TOP1: variants seen among roughly 807,000 people sequenced by gnomAD.
TOP1 encodes DNA topoisomerase 1.
In TOP1, 10 loss-of-function variants were observed where a neutral mutation model predicts 111.1. That is an observed-to-expected ratio of 0.09 (90% CI 0.06 to 0.15). The LOEUF (loss-of-function observed/expected upper bound fraction) is 0.15. Among genes scored for constraint, TOP1 ranks in the 10% least tolerant of loss-of-function variants. The pLI, the probability that TOP1 is intolerant of heterozygous loss-of-function variation, is 1.00. For synonymous variants in TOP1, 271 were observed against 302.9 expected (o/e 0.89, Z 1.10); for missense variants, 474 against 926.7 (o/e 0.51, Z 6.34).
In TOP1 at chr20:41,061,499, G is replaced by A. The variant is rs778431437; in HGVS notation, c.155+9G>A. ...TCCAAGCATAGCAACAGGTAAGGGT[G>A]GAATCAAGCAAGTCCCTCATCATTC... On this transcript the variant is annotated intron_variant, in intron 3 of 20. Coordinates refer to ENST00000361337, the MANE Select transcript of TOP1 (RefSeq NM_003286.4). The surrounding 1 kb of genome is among the most constrained non-coding windows in gnomAD (Gnocchi z 4.6). The A allele has an allele frequency of 2.0e-5, 31 of 1,576,220 alleles. No individual in the cohort carries two copies. Among genetic ancestry groups the A allele is most frequent in the African/African-American group, 1.2e-4 (9 of 73,976 alleles).
Position 41,100,306 on chromosome 20 carries a change from G to C in TOP1, c.1163+63G>C. 1 of 1,404,164 alleles carries C rather than the reference G, an allele frequency of 7.1e-7. No homozygotes were observed. The highest frequency in any genetic ancestry group is 9.8e-7 in the Non-Finnish European group (1 of 1,016,564). The allele number at this position is 1,404,164 out of a possible 1,614,324, so 87.0% of individuals were successfully genotyped here. On this transcript the variant is annotated intron_variant, in intron 12 of 20. Transcript: ENST00000361337. The surrounding 1 kb of genome is among the most constrained non-coding windows in gnomAD (Gnocchi z 4.4). ...TGGAGGGCGTCCTTTATTGTACTTGGGAATATTTCCCAGGTTACACAGGAC... is the reference window on the plus strand; with the variant it reads ...TGGAGGGCGTCCTTTATTGTACTTGCGAATATTTCCCAGGTTACACAGGAC...
At position 41,083,772 on chromosome 20, in the gene TOP1, T is replaced by C. The variant is rs1046043212; in HGVS notation, c.508-690T>C. Among the ~76,000 whole-genome samples, 1 of 152,172 alleles carries C rather than the reference T, an allele frequency of 6.6e-6. No individual in the cohort carries two copies. The highest frequency in any genetic ancestry group is 2.4e-5 in the African/African-American group (1 of 41,438). On this transcript the variant is annotated intron_variant, in intron 7 of 20. Coordinates refer to ENST00000361337, the MANE Select transcript of TOP1 (RefSeq NM_003286.4). The surrounding 1 kb of genome is among the most constrained non-coding windows in gnomAD (Gnocchi z 7.2). ...GATCTTCACTTGTTGAATATTACAT[T>C]TTTGTTTGGGTTTTGTGTGTATGTT...
At chr20:41,044,505 G>A (rs781266265) in intron 2 of TOP1, among the ~76,000 whole-genome samples, 6 of 152,140 alleles carry the variant, frequency 3.9e-5, no homozygotes, top group Non-Finnish European at 7.4e-5. Flanking sequence ...TGTTTTCTGG[G>A]CAGGTGTTCA....
intron 8 of TOP1, among the ~76,000 whole-genome samples, chr20:41,085,081 TAAA>T (rs11477287): frequency 7.0e-6 from 1 of 142,316 alleles, no homozygotes; most frequent in Non-Finnish European, 1.5e-5. Flanking sequence ...TCATGCCATT[TAAA>T]AAAAAAAAAA....
At chr20:41,081,444 A>C (rs767951447) in intron 7 of TOP1, among the ~76,000 whole-genome samples, 4 of 152,266 alleles carry the variant, frequency 2.6e-5, no homozygotes, top group Non-Finnish European at 4.4e-5. Flanking sequence ...AACCACAACC[A>C]GCAGTGATTC....
rs145466344 is a variant in TOP1 at position 41,068,386 on chromosome 20, G to A, written c.155+6896G>A. Among the ~76,000 whole-genome samples, 582 of 152,198 alleles carry A rather than the reference G, an allele frequency of 3.8e-3. 6 individuals carry two copies. Among genetic ancestry groups the A allele is most frequent in the African/African-American group, 0.012 (500 of 41,522 alleles). On this transcript the variant is annotated intron_variant, in intron 3 of 20. Coordinates refer to ENST00000361337, the MANE Select transcript of TOP1 (RefSeq NM_003286.4). ...CTTGACACTGCTTCTTTCTGTTAGCGTTAATATTTTGCTCCTCAGATCCTT... is the reference window on the plus strand; with the variant it reads ...CTTGACACTGCTTCTTTCTGTTAGCATTAATATTTTGCTCCTCAGATCCTT...
rs1472925626 is a variant in TOP1 at position 41,111,721 on chromosome 20, G to A, written c.1309-1061G>A. On this transcript the variant is annotated intron_variant, in intron 13 of 20. Transcript: ENST00000361337. ...CACGTCATAGTCAGGAACCAGGCAT[G>A]TGTGGGCAGAAATCACTACCACTTT... is the stretch of plus-strand genomic sequence containing the variant. Among the ~76,000 whole-genome samples, 3 of 151,912 alleles carry A rather than the reference G, an allele frequency of 2.0e-5. 1 individual carries two copies. Among genetic ancestry groups the A allele is most frequent in the African/African-American group, 7.3e-5 (3 of 41,352 alleles).
At chr20:41,051,567 A>G (rs1320221198) in intron 2 of TOP1, among the ~76,000 whole-genome samples, 1 of 152,236 alleles carries the variant, frequency 6.6e-6, no homozygotes, top group Non-Finnish European at 1.5e-5. Context: ...CCTGCTGACC[A>G]CAGCTAAACA....
In TOP1 at chr20:41,124,026, T is replaced by C. The variant is rs2034458530; in HGVS notation, c.*729T>C. ...CGTGTAGATTGGGGTTGGGGAGGGATGAAGGGCGAGTGAATCTAAGGATAA... is the reference window on the plus strand; with the variant it reads ...CGTGTAGATTGGGGTTGGGGAGGGACGAAGGGCGAGTGAATCTAAGGATAA... On this transcript the variant is annotated 3_prime_UTR_variant, in exon 21 of 21. Coordinates refer to ENST00000361337, the MANE Select transcript of TOP1 (RefSeq NM_003286.4). This position sits in a 1 kb window ranked among gnomAD's most constrained non-coding sequence, Gnocchi z 5.4. 4.3e-6 allele frequency: 1 copy of C among 232,994 alleles called. No individual in the cohort carries two copies. Among genetic ancestry groups the C allele is most frequent in the South Asian group, 1.8e-4 (1 of 5,508 alleles). The allele number at this position is 232,994 out of a possible 1,614,324, so 14.4% of individuals were successfully genotyped here.
chr20:41,058,398 C>T lies in TOP1; in HGVS notation c.59-2996C>T, dbSNP rs1324187698. Among the ~76,000 whole-genome samples the T allele has an allele frequency of 6.6e-6, 1 of 152,216 alleles. No homozygotes were observed. Among genetic ancestry groups the T allele is most frequent in the Non-Finnish European group, 1.5e-5 (1 of 68,036 alleles). On this transcript the variant is annotated intron_variant, in intron 2 of 20. Transcript: ENST00000361337. The surrounding 1 kb of genome is among the most constrained non-coding windows in gnomAD (Gnocchi z 4.2). ...GCTTTGGCTTACCATCTGTAGATTG[C>T]AGTCAGTATGTCAGCCAGGGCTGCA...
intron 3 of TOP1, among the ~76,000 whole-genome samples, chr20:41,063,537 G>C (rs2033571541): frequency 6.6e-6 from 1 of 152,138 alleles, no homozygotes; most frequent in African/African-American, 2.4e-5. Flanking sequence ...CTAGTGGCTG[G>C]ACTAATTTAC....
In TOP1 at chr20:41,080,874, C is replaced by T. The variant is rs2033781003; in HGVS notation, c.432-291C>T. On this transcript the variant is annotated intron_variant, in intron 6 of 20. Transcript: ENST00000361337. The surrounding 1 kb of genome is among the most constrained non-coding windows in gnomAD (Gnocchi z 5.0). The stretch of plus-strand genomic sequence containing the variant: ...ATTTATTTTATTTTATTTTTTTTCC[C>T]AGACTTTCATCTGATAATGATATTT... Among the ~76,000 whole-genome samples, 1 of 151,468 alleles carries T rather than the reference C, an allele frequency of 6.6e-6. No homozygotes were observed.
chr20:41,053,855 TAC>T (rs2033435866), intron 2 of TOP1, among the ~76,000 whole-genome samples: 1 of 152,222 alleles, frequency 6.6e-6, no homozygotes, highest in South Asian at 2.1e-4. Context: ...TTTCTCTAGA[TAC>T]ACCTTGGAGT....
At chr20:41,089,540 GTTTA>G (rs2096176550) in intron 8 of TOP1, among the ~76,000 whole-genome samples, 1 of 152,164 alleles carries the variant, frequency 6.6e-6, no homozygotes, top group Admixed American at 6.5e-5. Context: ...CCTGCATTTT[GTTTA>G]TTCATTCATC....
chr20:41,119,741 G>T lies in TOP1; in HGVS notation c.1950+1445G>T, dbSNP rs115387678. Among the ~76,000 whole-genome samples the T allele has an allele frequency of 3.5e-3, 535 of 152,354 alleles. 3 individuals carry two copies. The highest frequency in any genetic ancestry group is 0.012 in the African/African-American group (512 of 41,594). On this transcript the variant is annotated intron_variant, in intron 18 of 20. Coordinates refer to ENST00000361337, the MANE Select transcript of TOP1 (RefSeq NM_003286.4). ...AGAGACGTACATGTCCACAGTGAAT[G>T]AGTATACATCCATAGACCTTTGATT...
rs1428884140 is a variant in TOP1, at chr20:41,106,815, T to C, written c.1308+5462T>C. ...CTTAGTTCTAAAAGTGTCTGTCATT[T>C]GGGGTTTCTATGTAGATAATTTAAT... On this transcript the variant is annotated intron_variant, in intron 13 of 20. Coordinates refer to ENST00000361337, the MANE Select transcript of TOP1 (RefSeq NM_003286.4). The surrounding 1 kb of genome is among the most constrained non-coding windows in gnomAD (Gnocchi z 4.3). Among the ~76,000 whole-genome samples the C allele has an allele frequency of 6.6e-6, 1 of 152,194 alleles. No homozygotes were observed. Among genetic ancestry groups the C allele is most frequent in the Non-Finnish European group, 1.5e-5 (1 of 68,034 alleles).
In TOP1 at chr20:41,123,386, G is replaced by A. The variant is rs2034450582; in HGVS notation, c.*89G>A. ...GAGCCTCACTTGCCCTCGTGCCTGG[G>A]GGAGAGAGGCAGCAAGTCTTAACAA... On this transcript the variant is annotated 3_prime_UTR_variant, in exon 21 of 21. Coordinates refer to ENST00000361337, the MANE Select transcript of TOP1 (RefSeq NM_003286.4). This position sits in a 1 kb window ranked among gnomAD's most constrained non-coding sequence, Gnocchi z 5.8. The A allele has an allele frequency of 1.1e-6, 1 of 903,516 alleles. No homozygotes were observed. Among genetic ancestry groups the A allele is most frequent in the African/African-American group, 1.7e-5 (1 of 60,012 alleles). The allele number at this position is 903,516 out of a possible 1,614,324, so 56.0% of individuals were successfully genotyped here.
chr20:41,040,803 CAAAAAAAAAA>C (rs58729802), intron 2 of TOP1, among the ~76,000 whole-genome samples: 1 of 80,566 alleles, frequency 1.2e-5, no homozygotes, highest in Non-Finnish European at 2.6e-5. Flanking sequence ...GGCATCGTCT[CAAAAAAAAAA>C]AAAAAAAAAA....
At chr20:41,043,658 C>T (rs559026903) in intron 2 of TOP1, among the ~76,000 whole-genome samples, 1 of 152,298 alleles carries the variant, frequency 6.6e-6, no homozygotes, top group South Asian at 2.1e-4. Context: ...GTCTTTATGG[C>T]CAGACAAAGT....
Sources: allele counts gnomAD v4.1 joint callset (sites outside exome capture counted in the v4.1 genomes callset), GRCh38; gene constraint gnomAD v4.1.1; non-coding constraint Gnocchi (gnomAD v3.1); transcripts MANE v1.5; gene names NCBI Gene and HGNC (gene_info 2026-07-23, HGNC 2026-07-21).